SSUH2: variants seen among roughly 807,000 people sequenced by gnomAD.
SSUH2 encodes protein SSUH2 homolog.
SSUH2 carries 47 observed loss-of-function variants against 55.3 expected under a neutral mutation model. The ratio of observed to expected loss-of-function variants is 0.85; its 90% confidence interval spans 0.67 to 1.08. The LOEUF (loss-of-function observed/expected upper bound fraction) is 1.08. Ranked by LOEUF, SSUH2 falls within the 50% of genes least tolerant of loss-of-function variation. SSUH2 has a pLI of 0.00. For missense variants in SSUH2, 535 were observed against 490.7 expected (o/e 1.09, Z -0.85); for synonymous variants, 212 against 191.5 (o/e 1.11, Z -0.89).
intron 3 of SSUH2, among the ~76,000 whole-genome samples, chr3:8,674,295 A>C (rs548553908): frequency 6.6e-6 from 1 of 152,188 alleles, no homozygotes; most frequent in South Asian, 2.1e-4. Context: ...TTGGAAAGAA[A>C]TAGGACAGTG....
intron 9 of SSUH2, 32 bp downstream of exon 9, chr3:8,626,197 G>C: frequency 1.3e-6 from 2 of 1,573,276 alleles, no homozygotes; most frequent in Non-Finnish European, 1.7e-6. Context: ...AGCCACCCCC[G>C]CATGCCACAG....
intron 1 of SSUH2, among the ~76,000 whole-genome samples, chr3:8,641,741 C>T (rs951897973): frequency 7.9e-5 from 12 of 152,256 alleles, no homozygotes; most frequent in Admixed American, 5.9e-4. Context: ...TGAGATCCCC[C>T]GTCAGTCACC....
intron 3 of SSUH2, among the ~76,000 whole-genome samples, chr3:8,673,251 G>T (rs535739809): frequency 6.6e-6 from 1 of 151,426 alleles, no homozygotes; most frequent in Admixed American, 6.6e-5. Flanking sequence ...CATTATTATC[G>T]GTATTGATTT....
intron 1 of SSUH2, among the ~76,000 whole-genome samples, chr3:8,639,166 A>G (rs1400716551): frequency 6.6e-6 from 1 of 152,192 alleles, no homozygotes; most frequent in Non-Finnish European, 1.5e-5. Flanking sequence ...GTCACGGGGC[A>G]TTGTGTGACA....
At chr3:8,627,611 G>A (rs980026908) in intron 8 of SSUH2, 87 bp downstream of exon 8, 1 of 1,139,178 alleles carries the variant, frequency 8.8e-7, no homozygotes, top group Non-Finnish European at 1.2e-6. Context: ...CGAGACAGAT[G>A]GGTTCCTGTT....
At chr3:8,627,572 C>T (rs1287231392) in intron 8 of SSUH2, 126 bp downstream of exon 8, 16 of 655,280 alleles carry the variant, frequency 2.4e-5, no homozygotes, top group Non-Finnish European at 3.6e-5. Context: ...GCACCTACTA[C>T]GTGCAGAGCT....
intron 3 of SSUH2, chr3:8,634,203 G>A (rs780096072): frequency 3.4e-5 from 20 of 580,322 alleles, no homozygotes; most frequent in Non-Finnish European, 5.4e-5. Context: ...CTTGACCTTA[G>A]CCAGAGGAGC....
chr3:8,669,677 T>C (rs369030200), intron 5 of SSUH2, among the ~76,000 whole-genome samples: 3 of 152,282 alleles, frequency 2.0e-5, no homozygotes, highest in South Asian at 2.1e-4. Context: ...CCGCAGTATT[T>C]TGAGCAGAGA....
Position 8,659,427 on chromosome 3 carries a change from C to A in SSUH2, c.-395-414G>T, listed in dbSNP as rs566639511. ...TCAATGCCCCACTCCAGCCTCACCTCCTCCAGGCAGCCTTCCCTGATCTCC... is the reference window on the plus strand; with the variant it reads ...TCAATGCCCCACTCCAGCCTCACCTACTCCAGGCAGCCTTCCCTGATCTCC... On this transcript the variant is annotated intron_variant, in intron 6 of 18. Coordinates refer to the SSUH2 transcript ENST00000317371. 167 of 164,354 alleles carry A rather than the reference C, an allele frequency of 1.0e-3. 2 individuals carry two copies. The South Asian group carries it at 0.026, about 26-fold the overall frequency. 10.2% of individuals were successfully genotyped at this position (164,354 alleles called of 1,614,324 possible).
At chr3:8,658,108 C>T (rs1226291287) in intron 7 of SSUH2, among the ~76,000 whole-genome samples, 1 of 152,214 alleles carries the variant, frequency 6.6e-6, no homozygotes, top group Non-Finnish European at 1.5e-5. Context: ...GGTCACTTAA[C>T]CTCTCTGACC....
At chr3:8,647,278 G>A (rs1374874294), upstream of SSUH2, among the ~76,000 whole-genome samples, 1 of 152,262 alleles carries the variant, frequency 6.6e-6, no homozygotes, top group African/African-American at 2.4e-5. Context: ...TCCATGCGCA[G>A]GCATGCGGAG....
At chr3:8,672,327 C>A (rs1349979512) in intron 3 of SSUH2, among the ~76,000 whole-genome samples, 1 of 151,998 alleles carries the variant, frequency 6.6e-6, no homozygotes, top group Non-Finnish European at 1.5e-5. Flanking sequence ...ATATTATCCT[C>A]CCCCGCCCTG....
At chr3:8,626,195 C>CCGCA (rs774509661) in intron 9 of SSUH2, 34 bp downstream of exon 9, 1,370 of 1,575,798 alleles carry the variant, frequency 8.7e-4, no homozygotes, top group Admixed American at 1.1e-3. Context: ...TCAGCCACCC[C>CCGCA]CGCATGCCAC....
chr3:8,638,012 G>A lies in SSUH2; in HGVS notation c.29-2155C>T, dbSNP rs149325715. 2.0e-3 allele frequency among the ~76,000 whole-genome samples: 303 copies of A among 152,274 alleles called. 1 individual carries two copies. The highest frequency in any genetic ancestry group is 6.8e-3 in the African/African-American group (282 of 41,558). ...AAGAAAACTTCATTTGTGAAAATAG[G>A]TGGTGGGTCCGATTTGGCCCTCGGA... is the stretch of plus-strand genomic sequence containing the variant. On this transcript the variant is annotated intron_variant, in intron 1 of 11. Transcript: ENST00000544814.
intron 8 of SSUH2, 130 bp from the exon 9 acceptor site, chr3:8,626,451 C>G: frequency 1.5e-6 from 1 of 661,280 alleles, no homozygotes; most frequent in South Asian, 1.9e-5. Flanking sequence ...ACCTGCCCAC[C>G]ACCTAGTCCT....
chr3:8,646,400 A>C (rs916653986), upstream of SSUH2, among the ~76,000 whole-genome samples: 2 of 152,220 alleles, frequency 1.3e-5, no homozygotes, highest in Non-Finnish European at 2.9e-5. Context: ...AAATTCTTTA[A>C]ATGTCAAATT....
intron 3 of SSUH2, 47 bp from the exon 4 acceptor site, chr3:8,633,842 T>G: frequency 6.2e-7 from 1 of 1,613,124 alleles, no homozygotes; most frequent in Non-Finnish European, 8.5e-7. Context: ...GAAGGGCCTG[T>G]GGACTCACGC....
chr3:8,677,560 C>T (rs1325769392), intron 2 of SSUH2, among the ~76,000 whole-genome samples: 1 of 150,802 alleles, frequency 6.6e-6, no homozygotes, highest in African/African-American at 2.4e-5. Context: ...CTGGGGCTAC[C>T]CGATCTGACA....
At chr3:8,675,663 G>A (rs1705164190) in intron 3 of SSUH2, among the ~76,000 whole-genome samples, 1 of 152,186 alleles carries the variant, frequency 6.6e-6, no homozygotes, top group Non-Finnish European at 1.5e-5. Context: ...AGACTTCTTA[G>A]GAGCTGTGGG....
Sources: allele counts gnomAD v4.1 joint callset (sites outside exome capture counted in the v4.1 genomes callset), GRCh38; gene constraint gnomAD v4.1.1; transcripts MANE v1.5; gene names NCBI Gene and HGNC (gene_info 2026-07-23, HGNC 2026-07-21).